Variants in GOLM1 observed in about 807,000 individuals in gnomAD.
GOLM1 encodes the protein golgi membrane protein 1.
A neutral mutation model predicts 50.5 loss-of-function variants in GOLM1; 31 were observed. The observed-to-expected ratio is 0.61, with a 90% CI of 0.46 to 0.83. The LOEUF (loss-of-function observed/expected upper bound fraction) is 0.83, where lower values mean the gene tolerates loss of function less well. Ranked by LOEUF, GOLM1 falls within the 40% of genes least tolerant of loss-of-function variation. The pLI is 0.00. For synonymous variants in GOLM1, 178 were observed against 192.8 expected, an observed-to-expected ratio of 0.92 and a Z score of 0.64; for missense variants, 491 against 501.3, an observed-to-expected ratio of 0.98 and a Z score of 0.20.
chr9:86,092,687 C>G (rs1488395461), intron 1 of GOLM1, among the ~76,000 whole-genome samples: 1 of 152,192 alleles, frequency 6.6e-6, no homozygotes, highest in African/African-American at 2.4e-5. Flanking sequence ...GGCTTCAGGC[C>G]TGCAAGGTGC....
At chr9:86,056,506 T>C (rs75994660) in intron 3 of GOLM1, among the ~76,000 whole-genome samples, 16 of 26,222 alleles carry the variant, frequency 6.1e-4, no homozygotes, top group Non-Finnish European at 9.0e-4. Flanking sequence ...TTATTTAAAT[T>C]TTTTTTTTTT....
At chr9:86,049,297 C>G (rs985266568) in intron 4 of GOLM1, among the ~76,000 whole-genome samples, 1 of 152,100 alleles carries the variant, frequency 6.6e-6, no homozygotes, top group Admixed American at 6.6e-5. Flanking sequence ...TTTGAGGTCA[C>G]GTAGCGTAAT....
chr9:86,049,866 C>T (rs11141192), intron 4 of GOLM1, among the ~76,000 whole-genome samples: 26,073 of 152,082 alleles, frequency 0.17, 2,679 homozygotes, highest in African/African-American at 0.3. Context: ...ATTTCTTTCT[C>T]CTGCCTGACT....
rs1250104362 is a variant in GOLM1, at chr9:86,099,516, G to A, written c.-127C>T. The A allele has an allele frequency of 1.1e-4, 16 of 149,366 alleles. No homozygotes were observed. The highest frequency in any genetic ancestry group is 3.9e-4 in the African/African-American group (16 of 41,080). The allele number at this position is 149,366 out of a possible 1,614,324, so 9.3% of individuals were successfully genotyped here. ...GGCCTCGAGCTCCGGCCGGCTCCGC[G>A]CCGTGCGCCCAGCGCCTCCGCGTCC... On this transcript the variant is annotated 5_prime_UTR_variant, in exon 1 of 10. Coordinates refer to ENST00000388712, the MANE Select transcript of GOLM1 (RefSeq NM_016548.4).
intron 4 of GOLM1, among the ~76,000 whole-genome samples, chr9:86,047,069 G>A (rs974359520): frequency 2.8e-5 from 4 of 141,120 alleles, no homozygotes; most frequent in South Asian, 2.5e-4. Context: ...ATCCTCCCTC[G>A]TCATTTATTC....
intron 3 of GOLM1, among the ~76,000 whole-genome samples, chr9:86,063,616 T>C (rs1834223562): frequency 6.6e-6 from 1 of 152,162 alleles, no homozygotes; most frequent in Non-Finnish European, 1.5e-5. Flanking sequence ...CTACCTCCTA[T>C]TTTCTTTACG....
chr9:86,066,837 G>T (rs980540111), intron 3 of GOLM1, among the ~76,000 whole-genome samples: 1 of 152,180 alleles, frequency 6.6e-6, no homozygotes, highest in Non-Finnish European at 1.5e-5. Context: ...GGCAGGTGAT[G>T]CCACCCCCAA....
intron 2 of GOLM1, 174 bp from the exon 3 acceptor site, chr9:86,077,765 T>C (rs1448407075): frequency 8.8e-6 from 5 of 569,046 alleles, no homozygotes; most frequent in Non-Finnish European, 1.6e-5. Context: ...CGGTTTCTTC[T>C]GGAAAAAATG....
chr9:86,039,091 T>C (rs952555961), intron 6 of GOLM1, among the ~76,000 whole-genome samples: 26 of 152,254 alleles, frequency 1.7e-4, no homozygotes, highest in African/African-American at 6.0e-4. Context: ...TAAAAACTCT[T>C]ACAATTCAAT....
At chr9:86,051,956 T>G (rs994041972) in intron 4 of GOLM1, among the ~76,000 whole-genome samples, 1 of 151,988 alleles carries the variant, frequency 6.6e-6, no homozygotes, top group Admixed American at 6.6e-5. Flanking sequence ...ATTTTTAGAG[T>G]AAAAATTATT....
At position 86,031,481 on chromosome 9, in the gene GOLM1, G is replaced by A. The variant is rs550387547; in HGVS notation, c.1129+1801C>T. 1.2e-3 allele frequency among the ~76,000 whole-genome samples: 134 copies of A among 108,254 alleles called. 3 individuals are homozygous for A. In the South Asian group the frequency reaches 0.035, roughly 29 times the overall value. The allele number at this position is 108,254 out of a possible 152,430, so 71.0% of individuals were successfully genotyped here. On this transcript the variant is annotated intron_variant, in intron 9 of 9. Transcript: ENST00000388712. ...TTTTTTTTTTTTTTTTTTTCCCCGA[G>A]ACGGAGTTTCACTCTTCTTGCCCAG...
Position 86,034,793 on chromosome 9 carries a change from C to T in GOLM1, c.1015+575G>A, listed in dbSNP as rs150735095. On this transcript the variant is annotated intron_variant, in intron 8 of 9. Transcript: ENST00000388712. Reference sequence around the variant, plus strand: ...GTGTTCCTGGCTCAGGTGGGAAGGACATTTTCCATATCTGAAGGGACTGAA... The same window carrying T: ...GTGTTCCTGGCTCAGGTGGGAAGGATATTTTCCATATCTGAAGGGACTGAA... Among the ~76,000 whole-genome samples the T allele has an allele frequency of 6.6e-5, 10 of 152,328 alleles. No individual in the cohort carries two copies. The East Asian group carries it at 1.7e-3, about 26-fold the overall frequency.
chr9:86,026,380 A>G lies in GOLM1; in HGVS notation c.*1437T>C. The G allele has an allele frequency of 1.0e-6, 1 of 985,256 alleles. No homozygotes were observed. The highest frequency in any genetic ancestry group is 1.2e-6 in the Non-Finnish European group (1 of 829,874). The allele number at this position is 985,256 out of a possible 1,614,324, so 61.0% of individuals were successfully genotyped here. A position where few individuals can be genotyped will look rare whatever the true frequency, so the allele number is the denominator to read the frequency against. On this transcript the variant is annotated 3_prime_UTR_variant, in exon 10 of 10. Coordinates refer to ENST00000388712, the MANE Select transcript of GOLM1 (RefSeq NM_016548.4). ...GTGACTAAGGACATCACATATGAAG[A>G]ATGTTTAAGTTGGAGGTGGCAACGT...
At chr9:86,093,671 T>C (rs774327786) in intron 1 of GOLM1, among the ~76,000 whole-genome samples, 50 of 152,294 alleles carry the variant, frequency 3.3e-4, no homozygotes, top group African/African-American at 1.1e-3. Context: ...AAAATTATTA[T>C]TTGCTTTTAA....
At chr9:86,052,891 C>T (rs1158348284) in intron 3 of GOLM1, among the ~76,000 whole-genome samples, 1 of 120,812 alleles carries the variant, frequency 8.3e-6, no homozygotes, top group Non-Finnish European at 1.8e-5. Context: ...CCTCCTTCCT[C>T]CTGCCCGACA....
chr9:86,094,411 T>C (rs987970517), intron 1 of GOLM1, among the ~76,000 whole-genome samples: 5 of 152,218 alleles, frequency 3.3e-5, no homozygotes, highest in African/African-American at 1.2e-4. Flanking sequence ...TTTAAAAACT[T>C]ACTAGGAAAT....
chr9:86,044,181 T>C (rs1757684927), intron 5 of GOLM1, among the ~76,000 whole-genome samples: 1 of 152,120 alleles, frequency 6.6e-6, no homozygotes, highest in South Asian at 2.1e-4. Context: ...CAGACAAAAA[T>C]GTCTCCAAAC....
At chr9:86,063,407 A>G (rs72746696) in intron 3 of GOLM1, among the ~76,000 whole-genome samples, 3 of 152,278 alleles carry the variant, frequency 2.0e-5, no homozygotes, top group Non-Finnish European at 4.4e-5. Flanking sequence ...GGAAGAGGAG[A>G]CACTTTTGTA....
intron 3 of GOLM1, among the ~76,000 whole-genome samples, chr9:86,056,651 G>A (rs1193450007): frequency 3.3e-5 from 5 of 151,208 alleles, no homozygotes; most frequent in African/African-American, 4.9e-5. Flanking sequence ...GACTACAGGC[G>A]CCCGCCACCA....
Sources: gnomAD v4.1 joint callset for allele counts (sites outside exome capture counted in the v4.1 genomes callset) on GRCh38, gnomAD v4.1.1 for gene constraint, MANE v1.5 for transcripts, NCBI Gene and HGNC (gene_info 2026-07-23, HGNC 2026-07-21) for gene names.